Variants in MICU1 observed in about 807,000 individuals in gnomAD.
MICU1 encodes mitochondrial calcium uptake 1, also known as calcium uptake protein 1, mitochondrial.
MICU1 carries 45 observed loss-of-function variants against 56.8 expected under a neutral mutation model. The observed-to-expected ratio is 0.79, with a 90% confidence interval of 0.62 to 1.02. The LOEUF (loss-of-function observed/expected upper bound fraction) is 1.02. MICU1 is among the 50% of genes least tolerant of loss of function. The pLI is 0.00. For synonymous variants in MICU1, 186 were observed against 195.1 expected, an observed-to-expected ratio of 0.95 and a Z score of 0.39; for missense variants, 504 against 587.1, an observed-to-expected ratio of 0.86 and a Z score of 1.46.
chr10:72,415,364 T>C (rs1372758761), intron 9 of MICU1, among the ~76,000 whole-genome samples: 1 of 152,104 alleles, frequency 6.6e-6, no homozygotes, highest in African/African-American at 2.4e-5. Context: ...TTATACCAGG[T>C]ACAAGGCAAT....
chr10:72,428,050 A>G (rs1450905467), intron 8 of MICU1, among the ~76,000 whole-genome samples: 1 of 152,158 alleles, frequency 6.6e-6, no homozygotes, highest in South Asian at 2.1e-4. Context: ...TGCAATTGAC[A>G]AGGGACACTC....
chr10:72,375,715 A>G, intron 11 of MICU1, 68 bp downstream of exon 11: 1 of 1,445,074 alleles, frequency 6.9e-7, no homozygotes, highest in South Asian at 1.2e-5. Flanking sequence ...GCAAGGCTCC[A>G]TTATACACAA....
At chr10:72,562,820 T>G in intron 3 of MICU1, 75 bp downstream of exon 3, 1 of 1,225,942 alleles carries the variant, frequency 8.2e-7, no homozygotes. Context: ...CTGAAACATA[T>G]GATTAAAAAG....
chr10:72,468,987 C>T (rs1865873998), intron 8 of MICU1, among the ~76,000 whole-genome samples: 1 of 152,080 alleles, frequency 6.6e-6, no homozygotes, highest in Non-Finnish European at 1.5e-5. Context: ...GAAGTAGACC[C>T]GAGTTGGAAT....
At position 72,474,095 on chromosome 10, in the gene MICU1, A is replaced by G. The variant is rs948828019; in HGVS notation, c.933+1005T>C. Reference sequence around the variant, plus strand: ...AACATGGTGAAACTGCGTCTCTAATAAAAATACAAAATTAGCCGGGTGTGG... The same window carrying G: ...AACATGGTGAAACTGCGTCTCTAATGAAAATACAAAATTAGCCGGGTGTGG... On this transcript the variant is annotated intron_variant, in intron 8 of 11. Transcript: ENST00000361114. Among the ~76,000 whole-genome samples the G allele has an allele frequency of 5.9e-5, 9 of 151,892 alleles. No homozygotes were observed. The South Asian group carries it at 1.9e-3, about 32-fold the overall frequency.
chr10:72,544,764 G>A (rs1020130016), intron 4 of MICU1, among the ~76,000 whole-genome samples: 16 of 152,096 alleles, frequency 1.1e-4, no homozygotes, highest in African/African-American at 1.7e-4. Flanking sequence ...TATTCAAATC[G>A]TACAGAATAT....
At chr10:72,444,444 CTTTTTTTTTTTT>C (rs754274260) in intron 8 of MICU1, among the ~76,000 whole-genome samples, 1 of 107,666 alleles carries the variant, frequency 9.3e-6, no homozygotes, top group Non-Finnish European at 1.8e-5. Context: ...GAGTCTTTGC[CTTTTTTTTTTTT>C]TTTTTTTTTT....
At chr10:72,415,714 G>T (rs1460239354) in intron 9 of MICU1, among the ~76,000 whole-genome samples, 2 of 152,070 alleles carry the variant, frequency 1.3e-5, no homozygotes, top group East Asian at 3.8e-4. Flanking sequence ...AACCTTTCTA[G>T]CTATCTTCCT....
intron 1 of MICU1, among the ~76,000 whole-genome samples, chr10:72,596,698 C>G (rs1418830713): frequency 1.3e-5 from 2 of 151,730 alleles, no homozygotes; most frequent in Non-Finnish European, 2.9e-5. Context: ...CATGGTGAAA[C>G]CCTATCTCTA....
intron 4 of MICU1, among the ~76,000 whole-genome samples, chr10:72,542,577 G>C (rs757148457): frequency 6.6e-6 from 1 of 152,196 alleles, no homozygotes; most frequent in African/African-American, 2.4e-5. Flanking sequence ...TACGGGCCAC[G>C]CAGCAGCATC....
rs1254531144 is a variant in MICU1 at position 72,532,983 on chromosome 10, T to C, written c.537+763A>G. The C allele has an allele frequency of 2.3e-6, 3 of 1,283,670 alleles. No individual in the cohort carries two copies. The African/African-American group carries it at 4.6e-5, about 20-fold the overall frequency. 79.5% of individuals were successfully genotyped at this position (1,283,670 alleles called of 1,614,324 possible). On this transcript the variant is annotated intron_variant, in intron 5 of 11. Coordinates refer to ENST00000361114, the MANE Select transcript of MICU1 (RefSeq NM_001195518.2). ...GACCTCTCCCCATCTAGACCCTCTT[T>C]TGTGATCCTGCCTTTTCCAGCCACT...
chr10:72,412,583 G>A (rs1017791790), intron 9 of MICU1, among the ~76,000 whole-genome samples: 8 of 152,234 alleles, frequency 5.3e-5, no homozygotes, highest in African/African-American at 1.9e-4. Context: ...AGGTGTGGTG[G>A]CTCATGCCTG....
At chr10:72,415,524 A>G (rs1359361345) in intron 9 of MICU1, among the ~76,000 whole-genome samples, 2 of 152,180 alleles carry the variant, frequency 1.3e-5, no homozygotes, top group Non-Finnish European at 2.9e-5. Context: ...AGCAGGGGAA[A>G]TTATACCATT....
At chr10:72,390,001 G>A (rs1393220178) in intron 10 of MICU1, among the ~76,000 whole-genome samples, 2 of 152,180 alleles carry the variant, frequency 1.3e-5, no homozygotes, top group Admixed American at 6.5e-5. Context: ...ACGAAGAGAC[G>A]CCTGATAGTG....
intron 8 of MICU1, among the ~76,000 whole-genome samples, chr10:72,447,317 G>C (rs1589228731): frequency 6.6e-6 from 1 of 152,062 alleles, no homozygotes; most frequent in Non-Finnish European, 1.5e-5. Context: ...TGCCTAGAGG[G>C]ACCTGGGATT....
chr10:72,508,122 C>A, intron 6 of MICU1, 33 bp downstream of exon 6: 1 of 1,184,414 alleles, frequency 8.4e-7, no homozygotes, highest in South Asian at 2.1e-5. Flanking sequence ...TGTATCTGCT[C>A]TACAAATGGA....
chr10:72,607,200 G>A (rs539154610), intron 1 of MICU1, among the ~76,000 whole-genome samples: 1 of 152,028 alleles, frequency 6.6e-6, no homozygotes, highest in Admixed American at 6.6e-5. Flanking sequence ...AATTAGCCGG[G>A]CGTCATGGCG....
chr10:72,509,483 C>T (rs773850063), intron 5 of MICU1: 38 of 1,122,484 alleles, frequency 3.4e-5, no homozygotes, highest in Non-Finnish European at 4.4e-5. Flanking sequence ...CACGAATCAT[C>T]GTGAAGTCAG....
chr10:72,470,046 G>A (rs772509078), intron 8 of MICU1, among the ~76,000 whole-genome samples: 17 of 152,274 alleles, frequency 1.1e-4, no homozygotes, highest in African/African-American at 3.8e-4. Flanking sequence ...GGACATCAAC[G>A]TAGGAATTTT....
Sources: gnomAD v4.1 joint callset for allele counts (sites outside exome capture counted in the v4.1 genomes callset) on GRCh38, gnomAD v4.1.1 for gene constraint, MANE v1.5 for transcripts, NCBI Gene and HGNC (gene_info 2026-07-23, HGNC 2026-07-21) for gene names.